CDC27: variants seen among roughly 807,000 people sequenced by gnomAD.
CDC27 encodes the protein cell division cycle 27.
CDC27 carries 27 observed loss-of-function variants against 109.7 expected under a neutral mutation model. That is an observed-to-expected ratio of 0.25 (90% CI 0.18 to 0.34). CDC27 has a LOEUF of 0.34. CDC27 is among the 10% of genes least tolerant of loss of function. CDC27 has a pLI of 1.00. For missense variants in CDC27, 579 were observed against 960.2 expected, an observed-to-expected ratio of 0.60 and a Z score of 5.25; for synonymous variants, 266 against 333.9, an observed-to-expected ratio of 0.80 and a Z score of 2.22.
At chr17:47,182,862 T>G (rs1432483216) in intron 1 of CDC27, among the ~76,000 whole-genome samples, 3 of 152,170 alleles carry the variant, frequency 2.0e-5, no homozygotes, top group Admixed American at 2.0e-4. Context: ...CTGGGGTATA[T>G]ATTTAAGAAT....
chr17:47,144,058 A>G (rs1418967806), intron 9 of CDC27, 76 bp from the exon 10 acceptor site: 2 of 477,960 alleles, frequency 4.2e-6, no homozygotes, highest in East Asian at 7.6e-5. Context: ...CAATTTGGGT[A>G]TATTTTAAAA....
At chr17:47,140,024 TATA>T (rs537191948) in intron 12 of CDC27, 56 of 152,162 alleles carry the variant, frequency 3.7e-4, no homozygotes, top group Non-Finnish European at 7.2e-4. Flanking sequence ...CAGTTTAGTT[TATA>T]ATAAGGAATA....
At chr17:47,149,538 T>TAAAAAAAAAAAAAAAA (rs2063089883) in intron 9 of CDC27, among the ~76,000 whole-genome samples, 4 of 148,042 alleles carry the variant, frequency 2.7e-5, no homozygotes, top group Admixed American at 2.7e-4. Context: ...AAAGAAATGT[T>TAAAAAAAAAAAAAAAA]AAAAAGAAGT....
chr17:47,167,055 A>G (rs1261177532), intron 4 of CDC27, among the ~76,000 whole-genome samples: 5 of 152,208 alleles, frequency 3.3e-5, no homozygotes, highest in Non-Finnish European at 7.3e-5. Flanking sequence ...AGGTTTCACC[A>G]TGTTGGCCTG....
chr17:47,134,306 A>AT (rs35766560), intron 14 of CDC27, among the ~76,000 whole-genome samples: 60 of 145,098 alleles, frequency 4.1e-4, no homozygotes, highest in East Asian at 1.0e-3. Flanking sequence ...ACCCATATAG[A>AT]TTTTTTTTTT....
intron 2 of CDC27, among the ~76,000 whole-genome samples, chr17:47,175,292 G>A (rs1473827850): frequency 6.6e-6 from 1 of 152,126 alleles, no homozygotes; most frequent in African/African-American, 2.4e-5. Context: ...TCTTCTTCAC[G>A]CTGATTTATA....
In CDC27 at chr17:47,119,531, C is replaced by CA. The variant is rs2061940916; in HGVS notation, c.*1403dup. 6.6e-6 allele frequency: 1 copy of CA among 152,230 alleles called. No homozygotes were observed. The highest frequency in any genetic ancestry group is 6.5e-5 in the Admixed American group (1 of 15,274). The allele number at this position is 152,230 out of a possible 1,614,324, so 9.4% of individuals were successfully genotyped here. The stretch of plus-strand genomic sequence containing the variant: ...TCCAGAATAATAACTGTAGGCCTGT[C>CA]ATTCATAAGAAACTATAATTTGTTA... On this transcript the variant is annotated 3_prime_UTR_variant, in exon 19 of 19. Coordinates refer to ENST00000066544, the MANE Select transcript of CDC27 (RefSeq NM_001256.6).
rs1462545979 is a variant in CDC27 at position 47,142,039 on chromosome 17, A to T, written c.1379-14T>A. On this transcript the variant is annotated splice_polypyrimidine_tract_variant and intron_variant, in intron 11 of 18. Transcript: ENST00000066544. ...TCATCAAACCTTCTAGGAGAAAACA[A>T]CATAGTAAACAAAGGAAAAAACGCA... 6.4e-7 allele frequency: 1 copy of T among 1,552,498 alleles called. No individual in the cohort carries two copies. The highest frequency in any genetic ancestry group is 2.3e-5 in the East Asian group (1 of 44,078).
chr17:47,166,906 G>A (rs2063664732), intron 4 of CDC27, among the ~76,000 whole-genome samples: 1 of 152,254 alleles, frequency 6.6e-6, no homozygotes, highest in South Asian at 2.1e-4. Context: ...CCAGGTTGGA[G>A]TGCAATGGTG....
intron 9 of CDC27, 81 bp downstream of exon 9, chr17:47,151,725 G>A: frequency 9.2e-7 from 1 of 1,086,072 alleles, no homozygotes; most frequent in Non-Finnish European, 1.3e-6. Flanking sequence ...ATCCACGAGA[G>A]TCACTATCTG....
At chr17:47,130,518 C>G (rs1013695972) in intron 15 of CDC27, among the ~76,000 whole-genome samples, 1 of 152,110 alleles carries the variant, frequency 6.6e-6, no homozygotes, top group African/African-American at 2.4e-5. Context: ...CCAAACCTCA[C>G]TATTCATTCA....
chr17:47,129,573 A>C (rs1448465439), intron 15 of CDC27, 52 bp from the exon 16 acceptor site: 2 of 1,360,902 alleles, frequency 1.5e-6, no homozygotes, highest in Non-Finnish European at 2.0e-6. Context: ...TTATGAAGAA[A>C]GGTGAGAACC....
At chr17:47,164,048 G>C (rs910529143) in intron 4 of CDC27, among the ~76,000 whole-genome samples, 37 of 152,288 alleles carry the variant, frequency 2.4e-4, no homozygotes, top group African/African-American at 5.3e-4. Context: ...ATAGGTGTGA[G>C]CCACCCTGCC....
At chr17:47,140,688 A>T (rs768888967) in intron 12 of CDC27, among the ~76,000 whole-genome samples, 12 of 152,210 alleles carry the variant, frequency 7.9e-5, no homozygotes, top group Non-Finnish European at 1.8e-4. Flanking sequence ...TAATTTTTTA[A>T]ATGGCTTTTC....
At chr17:47,181,917 A>C (rs1283527395) in intron 1 of CDC27, among the ~76,000 whole-genome samples, 1 of 152,174 alleles carries the variant, frequency 6.6e-6, no homozygotes, top group African/African-American at 2.4e-5. Flanking sequence ...TCCCCTCACC[A>C]GTCTCCCCTT....
intron 13 of CDC27, among the ~76,000 whole-genome samples, chr17:47,138,382 T>G (rs1428414429): frequency 6.6e-6 from 1 of 152,228 alleles, no homozygotes; most frequent in Non-Finnish European, 1.5e-5. Flanking sequence ...GTACATTAAT[T>G]GCACCTATGT....
chr17:47,172,246 C>T (rs1032300593), intron 2 of CDC27, among the ~76,000 whole-genome samples, 182 bp from the exon 3 acceptor site: 1 of 152,044 alleles, frequency 6.6e-6, no homozygotes, highest in Non-Finnish European at 1.5e-5. Context: ...AAGTCAGTTC[C>T]TTAGATCTTG....
In CDC27 at chr17:47,158,229, G is replaced by A. The variant is rs2148922038; in HGVS notation, c.452C>T (p.Pro151Leu). The A allele has an allele frequency of 1.3e-6, 2 of 1,568,370 alleles. No individual in the cohort carries two copies. Among genetic ancestry groups the A allele is most frequent in the South Asian group, 1.2e-5 (1 of 84,820 alleles). ...SLSLNPFLWS[P>L]FESLCEIGEK... is the part of the protein sequence containing the mutation. ...ACCTATTTCACATAATGATTCAAAG[G>A]GAGACCAGAGGAAAGGATTTAAACT... The change falls in exon 5 of 19, where the codon CCC (proline) becomes CTC (leucine). Residue 151 changes from proline (P) to leucine (L), a missense_variant. By Grantham distance (98) the Pro-to-Leu change is moderately conservative. Transcript: ENST00000066544.
intron 9 of CDC27, among the ~76,000 whole-genome samples, chr17:47,147,324 G>A (rs1316810907): frequency 4.0e-5 from 6 of 151,408 alleles, no homozygotes; most frequent in Admixed American, 2.0e-4. Flanking sequence ...GCGTGAACCC[G>A]GGAGGCGGAG....
Sources: allele counts gnomAD v4.1 joint callset (sites outside exome capture counted in the v4.1 genomes callset), GRCh38; gene constraint gnomAD v4.1.1; transcripts MANE v1.5; gene names NCBI Gene and HGNC (gene_info 2026-07-23, HGNC 2026-07-21).